XRCC1: variants seen among roughly 807,000 people sequenced by gnomAD.
The protein encoded by XRCC1 is X-ray repair cross complementing 1, also known as DNA repair protein XRCC1.
Under a neutral mutation model 83.3 loss-of-function variants are expected in XRCC1, and 52 were observed. The observed-to-expected ratio is 0.62, with a 90% CI of 0.50 to 0.79. The LOEUF (loss-of-function observed/expected upper bound fraction) is 0.79. Among genes scored for constraint, XRCC1 ranks in the 30% least tolerant of loss-of-function variants. The probability of loss-of-function intolerance (pLI) is 0.00; values close to 1 mark genes in which losing one functional copy is unlikely to be tolerated. For missense variants in XRCC1, 793 were observed against 823.5 expected (o/e 0.96, Z 0.45); for synonymous variants, 281 against 312.6 (o/e 0.90, Z 1.07).
At chr19:43,548,781 A>AAAAAAAAAAAAC (rs1972546929) in intron 10 of XRCC1, among the ~76,000 whole-genome samples, 1 of 144,960 alleles carries the variant, frequency 6.9e-6, no homozygotes, top group Non-Finnish European at 1.5e-5. Flanking sequence ...AAAAAAAAAA[A>AAAAAAAAAAAAC]AAAAACACAA....
chr19:43,551,217 C>G (rs1379254227), intron 10 of XRCC1, among the ~76,000 whole-genome samples: 1 of 152,242 alleles, frequency 6.6e-6, no homozygotes, highest in Non-Finnish European at 1.5e-5. Flanking sequence ...ATCCACCTGC[C>G]TCAGCCTCCC....
intron 2 of XRCC1, among the ~76,000 whole-genome samples, chr19:43,561,238 C>T (rs749821057): frequency 2.6e-5 from 4 of 152,202 alleles, no homozygotes; most frequent in Admixed American, 6.5e-5. Flanking sequence ...AATGCATACG[C>T]GCCCACCTCA....
At position 43,552,817 on chromosome 19, in the gene XRCC1, G is replaced by A; in HGVS notation, c.803C>T (p.Ser268Phe). 6.2e-7 allele frequency: 1 copy of A among 1,611,342 alleles called. No individual in the cohort carries two copies. Among genetic ancestry groups the A allele is most frequent in the Non-Finnish European group, 8.5e-7 (1 of 1,178,966 alleles). ...CTCACATTTAGGTCTCTTGGGAACA[G>A]ATGGCGACAGCTGGGCTGGTGGTTT... The part of the protein sequence containing the change: ...PSKPPAQLSP[S>F]VPKRPKLPAP... Residue 268 changes from serine (S) to phenylalanine (F), a missense_variant, in exon 8 of 17, where the codon TCT becomes TTT. By Grantham distance (155) the Ser-to-Phe change is radical. Coordinates refer to ENST00000262887, the MANE Select transcript of XRCC1 (RefSeq NM_006297.3).
chr19:43,553,227 C>A, intron 6 of XRCC1, 136 bp from the exon 7 acceptor site: 1 of 1,190,546 alleles, frequency 8.4e-7, no homozygotes. Context: ...CCTCTCAACC[C>A]TCAGGACACA....
chr19:43,553,466 T>C lies in XRCC1; in HGVS notation c.536A>G (p.Asp179Gly), dbSNP rs766418350. 6.2e-7 allele frequency: 1 copy of C among 1,614,114 alleles called. No homozygotes were observed. The highest frequency in any genetic ancestry group is 1.6e-4 in the Middle Eastern group (1 of 6,062). ...KLGQFRVKEE[D>G]ESANSLRPGA... ...CGGCCTCAGAGAGTTGGCGCTCTCATCCTCCTCCTTCACACGGAACTGGCC... is the reference window on the plus strand; with the variant it reads ...CGGCCTCAGAGAGTTGGCGCTCTCACCCTCCTCCTTCACACGGAACTGGCC... The change falls in exon 6 of 17, where the codon GAT becomes GGT. Residue 179 changes from aspartate (D) to glycine (G), a missense_variant. By Grantham distance (94) the Asp-to-Gly change is moderately conservative. Transcript: ENST00000262887.
Position 43,551,187 on chromosome 19 carries a change from C to T in XRCC1, c.1199+384G>A, listed in dbSNP as rs555690461. Among the ~76,000 whole-genome samples, 18 of 152,164 alleles carry T rather than the reference C, an allele frequency of 1.2e-4. No individual in the cohort carries two copies. In the East Asian group the frequency reaches 2.3e-3, roughly 20 times the overall value. ...TTCACCATGTTGGCCAGGCTGGTCT[C>T]GAACTTCTGACCTCAAGTGATCCAC... On this transcript the variant is annotated intron_variant, in intron 10 of 16. Transcript: ENST00000262887.
At chr19:43,544,842 CG>C (rs10664658) in intron 14 of XRCC1, among the ~76,000 whole-genome samples, 38 of 150,320 alleles carry the variant, frequency 2.5e-4, no homozygotes, top group Non-Finnish European at 3.2e-4. Context: ...AGGCGGGGGT[CG>C]GGGGGGGTCT....
intron 14 of XRCC1, 68 bp from the exon 15 acceptor site, chr19:43,544,302 A>T: frequency 7.2e-7 from 1 of 1,382,756 alleles, no homozygotes; most frequent in Non-Finnish European, 1.0e-6. Flanking sequence ...AACAGGAGTG[A>T]CGAGGCTGAC....
intron 2 of XRCC1, among the ~76,000 whole-genome samples, chr19:43,564,076 C>T (rs137984844): frequency 6.6e-6 from 1 of 152,236 alleles, no homozygotes; most frequent in African/African-American, 2.4e-5. Flanking sequence ...ACAATAACAA[C>T]GTCTATCTCA....
rs752610644 is a variant in XRCC1 at position 43,548,784 on chromosome 19, A to AAAAAAAAAAAAAAAAAAAAAAAAC, written c.1200-1808_1200-1807insGTTTTTTTTTTTTTTTTTTTTTTT. On this transcript the variant is annotated intron_variant, in intron 10 of 16. Coordinates refer to ENST00000262887, the MANE Select transcript of XRCC1 (RefSeq NM_006297.3). ...GAATGATCAAAAAAAAAAAAAAAAA[A>AAAAAAAAAAAAAAAAAAAAAAAAC]AACACAACAGTAGCAGGTTGACACT... Among the ~76,000 whole-genome samples the AAAAAAAAAAAAAAAAAAAAAAAAC allele has an allele frequency of 2.3e-4, 33 of 142,164 alleles. 1 individual carries two copies. Among genetic ancestry groups the AAAAAAAAAAAAAAAAAAAAAAAAC allele is most frequent in the East Asian group, 6.7e-4 (3 of 4,484 alleles). 93.3% of individuals were successfully genotyped at this position (142,164 alleles called of 152,430 possible). A position where few individuals can be genotyped will look rare whatever the true frequency, so the allele number is the denominator to read the frequency against.
At position 43,543,376 on chromosome 19, in the gene XRCC1, G is replaced by A. The variant is rs1568510064; in HGVS notation, c.*16C>T. Reference sequence around the variant, plus strand: ...TGTGTGTGTGTGTGTGTGTGTGTGTGTGTATAGCACATACTTCAGGCTTGC... The same window carrying A: ...TGTGTGTGTGTGTGTGTGTGTGTGTATGTATAGCACATACTTCAGGCTTGC... On this transcript the variant is annotated 3_prime_UTR_variant, in exon 17 of 17. Coordinates refer to ENST00000262887, the MANE Select transcript of XRCC1 (RefSeq NM_006297.3). The A allele has an allele frequency of 2.1e-6, 3 of 1,422,064 alleles. No homozygotes were observed. Among genetic ancestry groups the A allele is most frequent in the East Asian group, 2.3e-5 (1 of 43,720 alleles). The allele number at this position is 1,422,064 out of a possible 1,614,324, so 88.1% of individuals were successfully genotyped here.
chr19:43,568,772 T>TGGGGAGGGAGC (rs1369573940), intron 2 of XRCC1, among the ~76,000 whole-genome samples: 1 of 150,424 alleles, frequency 6.6e-6, no homozygotes, highest in Non-Finnish European at 1.5e-5. Flanking sequence ...GAGCAGGAGT[T>TGGGGAGGGAGC]GGGGAGGGAG....
chr19:43,545,707 G>C, intron 14 of XRCC1, 111 bp downstream of exon 14: 1 of 1,423,538 alleles, frequency 7.0e-7, no homozygotes, highest in South Asian at 1.3e-5. Context: ...AGGAAGGAGA[G>C]GGGAGGCAAG....
At chr19:43,553,333 T>G in intron 6 of XRCC1, 68 bp downstream of exon 6, 1 of 1,554,544 alleles carries the variant, frequency 6.4e-7, no homozygotes, top group Non-Finnish European at 8.9e-7. Context: ...CCCAGCCCCC[T>G]CTACCCTCAG....
At position 43,568,497 on chromosome 19, in the gene XRCC1, A is replaced by AAAGT. The variant is rs200331399; in HGVS notation, c.144+6409_144+6412dup. Among the ~76,000 whole-genome samples, 419 of 152,044 alleles carry AAAGT rather than the reference A, an allele frequency of 2.8e-3. 3 individuals carry two copies. Among genetic ancestry groups the AAAGT allele is most frequent in the African/African-American group, 3.5e-3 (144 of 41,486 alleles). On this transcript the variant is annotated intron_variant, in intron 2 of 16. Transcript: ENST00000262887. ...GAGTGACAGAGCGAGATTCTGTCTC[A>AAAGT]AAGTAAGTAAGTAAGTAAGTAAGTA... is the stretch of plus-strand genomic sequence containing the variant.
rs557154708 is a variant in XRCC1 at position 43,554,700 on chromosome 19, G to A, written c.360C>T (p.Ala120=). Residue 120 remains alanine, a synonymous_variant, in exon 4 of 17, where the codon GCC becomes GCT. Coordinates refer to ENST00000262887, the MANE Select transcript of XRCC1 (RefSeq NM_006297.3). ...MFGPDKLVRA[A]AEKRWDRVKI... ...TGACCCGGTCCCAGCGCTTCTCGGC[G>A]GCTGCCCGGACCAGCTTGTCAGGCC... The A allele has an allele frequency of 1.3e-5, 21 of 1,613,956 alleles. No homozygotes were observed. Among genetic ancestry groups the A allele is most frequent in the Admixed American group, 6.7e-5 (4 of 60,010 alleles).
rs1972593539 is a variant in XRCC1, at chr19:43,552,716, AG to A, written c.823+80del. 3.7e-6 allele frequency: 5 copies of A among 1,338,618 alleles called. No homozygotes were observed. In the South Asian group the frequency reaches 7.4e-5, roughly 20 times the overall value. 82.9% of individuals were successfully genotyped at this position (1,338,618 alleles called of 1,614,324 possible). ...CCCCAGCCCTTCCTCCCTCAGATTC[AG>A]GACAGCAGGCTCCAGCCCCGCTTCC... On this transcript the variant is annotated intron_variant, in intron 8 of 16. Transcript: ENST00000262887.
At chr19:43,566,337 A>G (rs1972752468) in intron 2 of XRCC1, among the ~76,000 whole-genome samples, 2 of 151,990 alleles carry the variant, frequency 1.3e-5, no homozygotes, top group Admixed American at 6.6e-5. Context: ...GTTCAAGACC[A>G]GGCTGGCCAA....
intron 15 of XRCC1, 114 bp from the exon 16 acceptor site, chr19:43,543,801 AG>A: frequency 1.0e-6 from 1 of 967,686 alleles, no homozygotes; most frequent in South Asian, 1.5e-5. Context: ...ATGCGCCTCT[AG>A]GTTGCCTCTA....
Sources: gnomAD v4.1 joint callset for allele counts (sites outside exome capture counted in the v4.1 genomes callset) on GRCh38, gnomAD v4.1.1 for gene constraint, MANE v1.5 for transcripts, NCBI Gene and HGNC (gene_info 2026-07-23, HGNC 2026-07-21) for gene names.